TAF4: variants seen among roughly 807,000 people sequenced by gnomAD.
TAF4 encodes transcription initiation factor TFIID subunit 4.
A neutral mutation model predicts 90.3 loss-of-function variants in TAF4; 9 were observed. That is an observed-to-expected ratio of 0.10 (90% confidence interval 0.06 to 0.17). TAF4 has a LOEUF of 0.17. Ranked by LOEUF, TAF4 falls within the 10% of genes least tolerant of loss-of-function variation. The pLI, the probability that TAF4 is intolerant of heterozygous loss-of-function variation, is 1.00. For missense variants in TAF4, 1,351 were observed against 1,370.7 expected, an observed-to-expected ratio of 0.99 and a Z score of 0.23; for synonymous variants, 818 against 638.9, an observed-to-expected ratio of 1.28 and a Z score of -4.23.
At position 61,994,357 on chromosome 20, in the gene TAF4, C is replaced by T. The variant is rs76104097; in HGVS notation, c.3090+3193G>A. 4.1e-3 allele frequency among the ~76,000 whole-genome samples: 630 copies of T among 152,354 alleles called. 30 individuals are homozygous for T. In the East Asian group the frequency reaches 0.11, roughly 28 times the overall value. On this transcript the variant is annotated intron_variant, in intron 14 of 14. Transcript: ENST00000252996. ...TCCCAGCCACACAGTGGCCAGAGCC[C>T]GTGTTAGCCTTGGGAATCTGTACTT...
intron 1 of TAF4, among the ~76,000 whole-genome samples, chr20:62,020,446 C>T (rs572433415): frequency 1.3e-5 from 2 of 152,278 alleles, no homozygotes; most frequent in African/African-American, 2.4e-5. Context: ...TCCAGCTCCA[C>T]GTCTGAGCCC....
intron 1 of TAF4, among the ~76,000 whole-genome samples, chr20:62,017,700 T>C (rs2055820188): frequency 1.3e-5 from 2 of 151,842 alleles, no homozygotes; most frequent in African/African-American, 2.4e-5. Flanking sequence ...TAGCCAGGTG[T>C]GGTGGTGCAT....
intron 4 of TAF4, among the ~76,000 whole-genome samples, chr20:62,009,439 A>AT (rs2055765732): frequency 6.6e-6 from 1 of 152,216 alleles, no homozygotes; most frequent in Non-Finnish European, 1.5e-5. Context: ...AAAAAGTGAA[A>AT]AGAGACTCTG....
chr20:61,984,262 T>C (rs892060825), intron 14 of TAF4, among the ~76,000 whole-genome samples: 2 of 151,774 alleles, frequency 1.3e-5, no homozygotes, highest in African/African-American at 4.8e-5. Context: ...ACAAGAACTA[T>C]GACAACACAC....
intron 1 of TAF4, among the ~76,000 whole-genome samples, chr20:62,024,830 AC>A (rs1283757762): frequency 6.6e-6 from 1 of 152,030 alleles, no homozygotes; most frequent in Non-Finnish European, 1.5e-5. Context: ...AGATCATGCC[AC>A]TGCACTCCAG....
intron 1 of TAF4, among the ~76,000 whole-genome samples, chr20:62,040,611 A>G (rs2055958209): frequency 6.6e-6 from 1 of 152,264 alleles, no homozygotes; most frequent in South Asian, 2.1e-4. Flanking sequence ...CTACGCCTCC[A>G]TAAACGGAGA....
intron 7 of TAF4, chr20:62,005,298 G>A (rs2055737689): frequency 6.6e-6 from 1 of 152,304 alleles, no homozygotes; most frequent in Admixed American, 6.5e-5. Flanking sequence ...TGGATGCCCT[G>A]GATCCCACTG....
At chr20:62,034,565 A>G (rs2055921837) in intron 1 of TAF4, among the ~76,000 whole-genome samples, 1 of 152,070 alleles carries the variant, frequency 6.6e-6, no homozygotes, top group African/African-American at 2.4e-5. Context: ...CCTGACCTCC[A>G]GCAATCCTCC....
intron 14 of TAF4, among the ~76,000 whole-genome samples, chr20:61,988,223 C>T (rs1466221807): frequency 2.6e-5 from 4 of 151,564 alleles, no homozygotes; most frequent in Admixed American, 2.0e-4. Flanking sequence ...GTGAGAAGGA[C>T]GTGTTGACGT....
intron 14 of TAF4, among the ~76,000 whole-genome samples, chr20:61,988,850 A>C (rs2055612982): frequency 6.6e-6 from 1 of 152,080 alleles, no homozygotes. Flanking sequence ...CCTTCTCATG[A>C]GTGAGGACGC....
At chr20:62,015,124 G>A (rs753788383) in intron 1 of TAF4, among the ~76,000 whole-genome samples, 6 of 152,250 alleles carry the variant, frequency 3.9e-5, no homozygotes, top group South Asian at 2.1e-4. Context: ...CCATGTCTAC[G>A]GCCCATACTC....
chr20:62,003,148 C>T lies in TAF4; in HGVS notation c.2486+12G>A. The stretch of plus-strand genomic sequence containing the variant: ...GCCACGCTTCTCCAACGTACACAGG[C>T]CCATTCCTTACCGAAACGAACCTCC... On this transcript the variant is annotated intron_variant, in intron 9 of 14. Coordinates refer to ENST00000252996, the MANE Select transcript of TAF4 (RefSeq NM_003185.4). 1 of 1,608,478 alleles carries T rather than the reference C, an allele frequency of 6.2e-7. No homozygotes were observed. The highest frequency in any genetic ancestry group is 8.5e-7 in the Non-Finnish European group (1 of 1,174,892).
In TAF4 at chr20:62,065,733, C is replaced by A; in HGVS notation, c.78G>T (p.Val26=). 7.5e-7 allele frequency: 1 copy of A among 1,335,624 alleles called. No homozygotes were observed. The highest frequency in any genetic ancestry group is 9.7e-7 in the Non-Finnish European group (1 of 1,025,816). 82.7% of individuals were successfully genotyped at this position (1,335,624 alleles called of 1,614,324 possible). ...EVDEKVVSDL[V]GSLESQLAAS... ...CCGCCAGCTGCGACTCCAGCGAGCC[C>A]ACCAGGTCGCTCACCACTTTCTCGT... is the stretch of plus-strand genomic sequence containing the variant. The change falls in exon 1 of 15, where the codon GTG becomes GTT. Residue 26 remains valine (V), a synonymous_variant. Coordinates refer to ENST00000252996, the MANE Select transcript of TAF4 (RefSeq NM_003185.4).
At chr20:62,047,529 G>A (rs143233887) in intron 1 of TAF4, among the ~76,000 whole-genome samples, 50 of 152,112 alleles carry the variant, frequency 3.3e-4, no homozygotes, top group East Asian at 3.1e-3. Flanking sequence ...CCCCACCCCC[G>A]CACAAGAAAG....
chr20:61,988,953 C>T (rs1244416364), intron 14 of TAF4, among the ~76,000 whole-genome samples: 1 of 152,188 alleles, frequency 6.6e-6, no homozygotes, highest in African/African-American at 2.4e-5. Context: ...CCAATCCTCC[C>T]TCCTGGCGCC....
rs1316378125 is a variant in TAF4, at chr20:62,003,887, G to C, written c.2224-9C>G. 6 of 1,544,204 alleles carry C rather than the reference G, an allele frequency of 3.9e-6. No homozygotes were observed. The highest frequency in any genetic ancestry group is 2.3e-5 in the East Asian group (1 of 43,290). On this transcript the variant is annotated splice_polypyrimidine_tract_variant and intron_variant, in intron 7 of 14. Transcript: ENST00000252996. ...GGAGGCTGCTGGATGACCTGAGGCA[G>C]AGCCAGCAGAGAATGGTGAGCATGC...
rs2055724167 is a variant in TAF4 at position 62,003,816 on chromosome 20, C to T, written c.2286G>A (p.Gln762=). The T allele has an allele frequency of 1.9e-6, 3 of 1,607,348 alleles. No homozygotes were observed. Among genetic ancestry groups the T allele is most frequent in the Non-Finnish European group, 2.5e-6 (3 of 1,178,604 alleles). ...GCTGCCGCAGGGCGACCATGGGTGT[C>T]TGCGTCAACGTCACCTGCGGGGGCC... is the stretch of plus-strand genomic sequence containing the variant. ...LIRPPQVTLT[Q]TPMVALRQPH... is the part of the protein sequence containing the mutation. Residue 762 remains glutamine (Q), a synonymous_variant, in exon 8 of 15, where the codon CAG becomes CAA. Transcript: ENST00000252996.
chr20:62,035,896 A>G (rs548801193), intron 1 of TAF4, among the ~76,000 whole-genome samples: 40 of 147,052 alleles, frequency 2.7e-4, no homozygotes, highest in Admixed American at 8.6e-4. Context: ...AAAAGACACA[A>G]ACAGACATTT....
intron 2 of TAF4, among the ~76,000 whole-genome samples, 182 bp downstream of exon 2, chr20:62,014,365 G>A (rs912735164): frequency 9.2e-5 from 14 of 152,174 alleles, no homozygotes; most frequent in Admixed American, 4.6e-4. Flanking sequence ...CCGAGAGGAG[G>A]ACAGGAGAGC....
Sources: allele counts gnomAD v4.1 joint callset (sites outside exome capture counted in the v4.1 genomes callset), GRCh38; gene constraint gnomAD v4.1.1; transcripts MANE v1.5; gene names NCBI Gene and HGNC (gene_info 2026-07-23, HGNC 2026-07-21).